PNPLA6: variants seen among roughly 807,000 people sequenced by gnomAD.
PNPLA6 encodes patatin like domain 6, lysophospholipase, also known as patatin-like phospholipase domain-containing protein 6.
Under a neutral mutation model 153.7 loss-of-function variants are expected in PNPLA6, and 105 were observed. The observed-to-expected ratio is 0.68, with a 90% CI of 0.58 to 0.80. PNPLA6 has a LOEUF of 0.80. Ranked by LOEUF, PNPLA6 falls within the 30% of genes least tolerant of loss-of-function variation. PNPLA6 has a pLI of 0.00. For missense variants in PNPLA6, 1,423 were observed against 1,919.3 expected (o/e 0.74, Z 4.83); for synonymous variants, 825 against 822.2 (o/e 1.00, Z -0.06).
chr19:7,553,082 G>C (rs1431722765), intron 18 of PNPLA6, among the ~76,000 whole-genome samples: 2 of 152,078 alleles, frequency 1.3e-5, no homozygotes, highest in Non-Finnish European at 2.9e-5. Context: ...AGGCACTTGA[G>C]CTTATTTAGA....
Position 7,550,006 on chromosome 19 carries a change from G to A in PNPLA6, c.1708G>A (p.Glu570Lys). The change falls in exon 14 of 32, where the codon GAA becomes AAA. Residue 570 changes from glutamate (E) to lysine (K), a missense_variant. Around this residue, in one of 10 missense-constraint regions of PNPLA6, gnomAD observed 119 missense variants for 163.7 expected, o/e 0.73. Transcript: ENST00000600737. ...DVCLFVAQPG[E>K]LVGQLAVLTG... The stretch of plus-strand genomic sequence containing the variant: ...GTGCCTGTTCGTAGCGCAGCCCGGG[G>A]AACTGGTGGGGCAGCTGGCGGTGCT... The A allele has an allele frequency of 6.2e-7, 1 of 1,614,062 alleles. No homozygotes were observed. The highest frequency in any genetic ancestry group is 8.5e-7 in the Non-Finnish European group (1 of 1,180,028).
At position 7,555,237 on chromosome 19, in the gene PNPLA6, C is replaced by T. The variant is rs765763340; in HGVS notation, c.2818-12C>T. On this transcript the variant is annotated splice_polypyrimidine_tract_variant and intron_variant, in intron 22 of 31. Transcript: ENST00000600737. The surrounding 1 kb of genome is among the most constrained non-coding windows in gnomAD (Gnocchi z 6.3). Reference sequence around the variant, plus strand: ...TCATGCTCCTGGGTCGCGACTATCTCCCCCATCCCAGCATGAGCTCTACGA... The same window carrying T: ...TCATGCTCCTGGGTCGCGACTATCTTCCCCATCCCAGCATGAGCTCTACGA... 6.3e-7 allele frequency: 1 copy of T among 1,586,516 alleles called. No individual in the cohort carries two copies. Among genetic ancestry groups the T allele is most frequent in the Admixed American group, 1.8e-5 (1 of 57,006 alleles).
intron 13 of PNPLA6, among the ~76,000 whole-genome samples, chr19:7,548,410 A>C (rs1410558371): frequency 5.7e-5 from 1 of 17,548 alleles, no homozygotes. Flanking sequence ...AATCGCAAAA[A>C]AAAAAAAAAA....
intron 18 of PNPLA6, among the ~76,000 whole-genome samples, chr19:7,552,962 G>C (rs1331342226): frequency 1.3e-5 from 2 of 151,576 alleles, no homozygotes; most frequent in Non-Finnish European, 1.5e-5. Flanking sequence ...GAGAAACCAG[G>C]GGTGCTGCAC....
intron 13 of PNPLA6, 83 bp downstream of exon 13, chr19:7,543,167 C>T (rs774204810): frequency 5.3e-5 from 63 of 1,178,054 alleles, no homozygotes; most frequent in Non-Finnish European, 7.7e-5. Flanking sequence ...TGCCCTTTGA[C>T]TGTAAGACCA....
intron 24 of PNPLA6, among the ~76,000 whole-genome samples, chr19:7,556,053 CTTTTTTTTTTT>C (rs33951220): frequency 3.3e-5 from 2 of 60,326 alleles, no homozygotes; most frequent in East Asian, 8.8e-4. Context: ...CTAAGTGTTC[CTTTTTTTTTTT>C]TTTTTTTTTT....
chr19:7,551,044 C>A lies in PNPLA6; in HGVS notation c.2121C>A (p.Arg707=). 1 of 1,549,726 alleles carries A rather than the reference C, an allele frequency of 6.5e-7. No homozygotes were observed. The highest frequency in any genetic ancestry group is 1.7e-4 in the Middle Eastern group (1 of 5,960). The change falls in exon 17 of 32, where the codon CGC becomes CGA. Residue 707 remains arginine, a synonymous_variant. Coordinates refer to ENST00000600737, the MANE Select transcript of PNPLA6 (RefSeq NM_001166114.2). ...QPRATTVHAV[R]DTELAKLPEG... ...GAGCCACGACGGTGCACGCGGTGCGCGACACGGAGCTGGCCAAGCTTCCCG... is the reference window on the plus strand; with the variant it reads ...GAGCCACGACGGTGCACGCGGTGCGAGACACGGAGCTGGCCAAGCTTCCCG...
In PNPLA6 at chr19:7,550,361, G is replaced by A; in HGVS notation, c.1878G>A (p.Ser626=). 6.2e-7 allele frequency: 1 copy of A among 1,612,198 alleles called. No individual in the cohort carries two copies. Among genetic ancestry groups the A allele is most frequent in the Admixed American group, 1.7e-5 (1 of 60,024 alleles). Residue 626 remains serine (S), a synonymous_variant, in exon 15 of 32, where the codon TCG becomes TCA. Coordinates refer to ENST00000600737, the MANE Select transcript of PNPLA6 (RefSeq NM_001166114.2). The part of the protein sequence containing the change: ...SAAHTVAARM[S]PFVRQMDFAI... The stretch of plus-strand genomic sequence containing the variant: ...CGCACACGGTGGCAGCCAGGATGTC[G>A]CCCTTCGTGCGCCAGATGGACTTCG...
In PNPLA6 at chr19:7,541,425, C is replaced by T. The variant is rs1383759694; in HGVS notation, c.996C>T (p.Leu332=). ...LHNYLGLTNE[L]FSHEIQPLRL... ...ACTACCTGGGTCTGACCAATGAGCT[C>T]TTCAGCCACGTGAGTGGGTGGCGGG... Residue 332 remains leucine, a synonymous_variant, in exon 8 of 32, where the codon CTC becomes CTT. Transcript: ENST00000600737. This position sits in a 1 kb window ranked among gnomAD's most constrained non-coding sequence, Gnocchi z 5.2. The T allele has an allele frequency of 1.2e-6, 2 of 1,613,922 alleles. No individual in the cohort carries two copies. The highest frequency in any genetic ancestry group is 1.1e-5 in the South Asian group (1 of 91,086).
At chr19:7,535,153 C>CTGGTG (rs2022787963), upstream of PNPLA6, 1 of 401,844 alleles carries the variant, frequency 2.5e-6, no homozygotes, top group Admixed American at 3.6e-5. This position sits in a 1 kb window ranked among gnomAD's most constrained non-coding sequence, Gnocchi z 5.0. Context: ...AGGAAGTCAC[C>CTGGTG]AGGTGCAGAG....
chr19:7,541,053 T>A lies in PNPLA6; in HGVS notation c.924+2T>A. On this transcript the variant is annotated splice_donor_variant, in intron 7 of 31. Transcript: ENST00000600737. LOFTEE classifies it high-confidence loss of function. This position sits in a 1 kb window ranked among gnomAD's most constrained non-coding sequence, Gnocchi z 5.2. Reference sequence around the variant, plus strand: ...GAGAGCTTGGTGCGGGTCGTGCAGGTCAGTGGGCCTTCGCCTCCTGTCACC... The same window carrying A: ...GAGAGCTTGGTGCGGGTCGTGCAGGACAGTGGGCCTTCGCCTCCTGTCACC... The A allele has an allele frequency of 6.2e-7, 1 of 1,608,140 alleles. No homozygotes were observed. Among genetic ancestry groups the A allele is most frequent in the Non-Finnish European group, 8.5e-7 (1 of 1,178,324 alleles).
In PNPLA6 at chr19:7,558,969, C is replaced by T. The variant is rs766389806; in HGVS notation, c.3517C>T (p.Arg1173Trp). 1.6e-5 allele frequency: 26 copies of T among 1,614,024 alleles called. No homozygotes were observed. The highest frequency in any genetic ancestry group is 2.2e-5 in the East Asian group (1 of 44,902). The change falls in exon 28 of 32, where the codon CGG becomes TGG. Residue 1173 changes from arginine (R) to tryptophan (W), a missense_variant. By Grantham distance (101) the Arg-to-Trp change is moderately radical. Transcript: ENST00000600737. ...GTCCGGCTGGTGGCTGCTGTGGAAG[C>T]GGCTGAATCCCTGGGCTGACAAGGT... Reference protein sequence around the residue: ...SLSGWWLLWKRLNPWADKVKV... With the variant: ...SLSGWWLLWKWLNPWADKVKV...
intron 31 of PNPLA6, 71 bp downstream of exon 31, chr19:7,561,388 C>G: frequency 7.0e-7 from 1 of 1,433,168 alleles, no homozygotes; most frequent in Non-Finnish European, 9.7e-7. Flanking sequence ...GGCAGGGGAG[C>G]CGGGGGCGTA....
rs528469214 is a variant in PNPLA6, at chr19:7,541,859, G to A, written c.1169-125G>A. On this transcript the variant is annotated intron_variant, in intron 9 of 31. Coordinates refer to ENST00000600737, the MANE Select transcript of PNPLA6 (RefSeq NM_001166114.2). The surrounding 1 kb of genome is among the most constrained non-coding windows in gnomAD (Gnocchi z 5.2). ...CTGGTACCGAGGAAGCTGTGGCCTC[G>A]TCCCCAAGGGCCCATTGGAATTGCT... 7 of 1,102,310 alleles carry A rather than the reference G, an allele frequency of 6.4e-6. No individual in the cohort carries two copies. The highest frequency in any genetic ancestry group is 1.3e-5 in the South Asian group (1 of 78,548). 68.3% of individuals were successfully genotyped at this position (1,102,310 alleles called of 1,614,324 possible). A position where few individuals can be genotyped will look rare whatever the true frequency, so the allele number is the denominator to read the frequency against.
At chr19:7,534,225 G>A (rs1183086104), upstream of PNPLA6, 2 of 326,434 alleles carry the variant, frequency 6.1e-6, no homozygotes, top group African/African-American at 2.2e-5. Context: ...AGTGGACCCC[G>A]GCTGCGGCCC....
At chr19:7,549,792 A>T (rs2023563687) in intron 13 of PNPLA6, 115 bp from the exon 14 acceptor site, 3 of 1,082,052 alleles carry the variant, frequency 2.8e-6, no homozygotes, top group South Asian at 2.6e-5. Flanking sequence ...CTGCGCCTTC[A>T]TATTTTTCTT....
rs746534091 is a variant in PNPLA6, at chr19:7,542,815, T to A, written c.1417T>A (p.Cys473Ser). The A allele has an allele frequency of 3.7e-6, 6 of 1,613,090 alleles. No homozygotes were observed. The highest frequency in any genetic ancestry group is 5.1e-6 in the Non-Finnish European group (6 of 1,179,936). The change falls in exon 12 of 32, where the codon TGT becomes AGT. Residue 473 changes from cysteine (C) to serine (S), a missense_variant. Transcript: ENST00000600737. ...QPAGACEYSY[C>S]EDESATGGCP... The stretch of plus-strand genomic sequence containing the variant: ...GGCAGGCGCCTGTGAATACAGCTAC[T>A]GTGAGGATGAGTCGGCCACTGGTGG...
At chr19:7,548,744 T>C (rs565238342) in intron 13 of PNPLA6, among the ~76,000 whole-genome samples, 40 of 150,594 alleles carry the variant, frequency 2.7e-4, no homozygotes, top group Non-Finnish European at 5.3e-4. Flanking sequence ...TACACACATA[T>C]ATATATAGAG....
chr19:7,558,283 G>A (rs2023969329), intron 27 of PNPLA6, among the ~76,000 whole-genome samples: 2 of 152,210 alleles, frequency 1.3e-5, no homozygotes, highest in South Asian at 4.1e-4. Context: ...TAGGCCAGGG[G>A]TGGGCAAACT....
Sources: allele counts gnomAD v4.1 joint callset (sites outside exome capture counted in the v4.1 genomes callset), GRCh38; gene constraint gnomAD v4.1.1; regional missense constraint gnomAD v4.1.1; non-coding constraint Gnocchi (gnomAD v3.1); transcripts MANE v1.5; gene names NCBI Gene and HGNC (gene_info 2026-07-23, HGNC 2026-07-21).